Variants in CACNG5 observed in about 807,000 individuals in gnomAD.
CACNG5 encodes the protein voltage-dependent calcium channel gamma-5 subunit.
In CACNG5, 18 loss-of-function variants were observed where a neutral mutation model predicts 24.8. That is an observed-to-expected ratio of 0.73 (90% CI 0.50 to 1.08). CACNG5 has a LOEUF of 1.08. Among genes scored for constraint, CACNG5 ranks in the 50% least tolerant of loss-of-function variants. CACNG5 has a pLI of 0.00. For missense variants in CACNG5, 349 were observed against 367.9 expected, an observed-to-expected ratio of 0.95 and a Z score of 0.42; for synonymous variants, 157 against 149.1, an observed-to-expected ratio of 1.05 and a Z score of -0.39.
intron 1 of CACNG5, among the ~76,000 whole-genome samples, chr17:66,869,011 G>T (rs1451693754): frequency 6.6e-6 from 1 of 152,116 alleles, no homozygotes; most frequent in Admixed American, 6.5e-5. Flanking sequence ...CTTTTCAGGG[G>T]CAAATTTACC....
At chr17:66,845,683 A>G (rs1976630562) in intron 1 of CACNG5, among the ~76,000 whole-genome samples, 1 of 152,134 alleles carries the variant, frequency 6.6e-6, no homozygotes, top group East Asian at 1.9e-4. Context: ...GGGGATCACC[A>G]AAGGGATATT....
intron 1 of CACNG5, among the ~76,000 whole-genome samples, chr17:66,848,689 C>G (rs1976669948): frequency 6.6e-6 from 1 of 152,156 alleles, no homozygotes; most frequent in Admixed American, 6.5e-5. Flanking sequence ...GGTAGTGGCC[C>G]TGCTCCCCTC....
At position 66,888,491 on chromosome 17, in the gene CACNG5, C is replaced by T. The variant is rs1651709984; in HGVS notation, c.*3251C>T. 7.0e-6 allele frequency among the ~76,000 whole-genome samples: 1 copy of T among 142,438 alleles called. No homozygotes were observed. The highest frequency in any genetic ancestry group is 2.6e-5 in the African/African-American group (1 of 37,800). 93.4% of individuals were successfully genotyped at this position (142,438 alleles called of 152,430 possible). ...CCTGGGAGGCAGAGCTTGCAGTGAG[C>T]CGAGATCGCACCACTGCACTCCAGC... On this transcript the variant is annotated 3_prime_UTR_variant, in exon 6 of 6. Coordinates refer to ENST00000533854, the MANE Select transcript of CACNG5 (RefSeq NM_145811.3).
At chr17:66,849,799 G>C (rs1976689582) in intron 1 of CACNG5, among the ~76,000 whole-genome samples, 1 of 152,202 alleles carries the variant, frequency 6.6e-6, no homozygotes, top group Non-Finnish European at 1.5e-5. Flanking sequence ...CCAGGGTCAA[G>C]GTCAGGCAAT....
intron 1 of CACNG5, among the ~76,000 whole-genome samples, chr17:66,862,908 G>T (rs1430614989): frequency 6.7e-6 from 1 of 149,368 alleles, no homozygotes; most frequent in Non-Finnish European, 1.5e-5. Context: ...GTGTGTGTGT[G>T]TGTGTGTGTG....
In CACNG5 at chr17:66,892,085, G is replaced by T. The variant is rs1349803868; in HGVS notation, c.*6845G>T. On this transcript the variant is annotated 3_prime_UTR_variant, in exon 6 of 6. Transcript: ENST00000533854. ...TAAGGCCACCTTCTGAGTCTGGCTG[G>T]GGAGTGGTGGCATCCCAAACAAAAT... 6.6e-6 allele frequency among the ~76,000 whole-genome samples: 1 copy of T among 152,222 alleles called. No individual in the cohort carries two copies. Among genetic ancestry groups the T allele is most frequent in the Non-Finnish European group, 1.5e-5 (1 of 68,038 alleles).
chr17:66,882,826 G>A (rs1977180902), intron 4 of CACNG5, among the ~76,000 whole-genome samples: 1 of 152,120 alleles, frequency 6.6e-6, no homozygotes, highest in Non-Finnish European at 1.5e-5. Flanking sequence ...ATTACCACCT[G>A]ACTCCTGAGT....
intron 1 of CACNG5, among the ~76,000 whole-genome samples, chr17:66,850,602 A>ACG (rs1976700592): frequency 6.8e-6 from 1 of 147,794 alleles, no homozygotes; most frequent in Non-Finnish European, 1.5e-5. Flanking sequence ...AAATACATAC[A>ACG]CACACACACA....
At chr17:66,870,054 G>A (rs1213704767) in intron 1 of CACNG5, among the ~76,000 whole-genome samples, 5 of 151,750 alleles carry the variant, frequency 3.3e-5, no homozygotes, top group African/African-American at 1.2e-4. Context: ...CTGCACTCCA[G>A]CCTGGGCAAA....
chr17:66,843,087 T>C (rs1976589200), intron 1 of CACNG5, among the ~76,000 whole-genome samples: 1 of 152,218 alleles, frequency 6.6e-6, no homozygotes, highest in East Asian at 1.9e-4. Flanking sequence ...TTGACATGTA[T>C]TGCACTATTT....
Position 66,885,705 on chromosome 17 carries a change from G to A in CACNG5, c.*465G>A, listed in dbSNP as rs563246048. ...CATTCAAGATCTGCACCATCTGGCC[G>A]AAAGGTGACTCTGATATAGAGGTCT... On this transcript the variant is annotated 3_prime_UTR_variant, in exon 6 of 6. Coordinates refer to ENST00000533854, the MANE Select transcript of CACNG5 (RefSeq NM_145811.3). Among the ~76,000 whole-genome samples, 41 of 152,322 alleles carry A rather than the reference G, an allele frequency of 2.7e-4. No individual in the cohort carries two copies. The highest frequency in any genetic ancestry group is 7.5e-4 in the African/African-American group (31 of 41,582).
intron 1 of CACNG5, among the ~76,000 whole-genome samples, chr17:66,865,843 G>A (rs1331949857): frequency 7.1e-6 from 1 of 141,272 alleles, no homozygotes; most frequent in Non-Finnish European, 1.5e-5. Context: ...GGGTTTCACT[G>A]TGTTAGCCAG....
In CACNG5 at chr17:66,852,871, CTCTT is replaced by C. The variant is rs1046384034; in HGVS notation, c.-104+17625_-104+17628del. 1.3e-4 allele frequency among the ~76,000 whole-genome samples: 19 copies of C among 145,944 alleles called. 1 individual carries two copies. The South Asian group carries it at 2.7e-3, about 20-fold the overall frequency. On this transcript the variant is annotated intron_variant, in intron 1 of 5. Coordinates refer to ENST00000533854, the MANE Select transcript of CACNG5 (RefSeq NM_145811.3). ...CCTCCCTCCCTCCCTTCCTTCCTCT[CTCTT>C]TCTCTCTCTTTTTCTCTTTCTCTCT...
chr17:66,856,397 T>C (rs1179690296), intron 1 of CACNG5, among the ~76,000 whole-genome samples: 1 of 152,222 alleles, frequency 6.6e-6, no homozygotes, highest in Non-Finnish European at 1.5e-5. Context: ...AGACTCAATG[T>C]AGTTTTTTAC....
chr17:66,860,764 G>A lies in CACNG5; in HGVS notation c.-103-16466G>A, dbSNP rs539750839. Among the ~76,000 whole-genome samples the A allele has an allele frequency of 4.7e-4, 72 of 152,266 alleles. 1 individual carries two copies. Among genetic ancestry groups the A allele is most frequent in the Middle Eastern group, 3.4e-3 (1 of 294 alleles). ...GTAGATCAAGCTTGTCCAACTCATG[G>A]CCCATGGGCTGCATGTGGCCCAGGA... On this transcript the variant is annotated intron_variant, in intron 1 of 5. Coordinates refer to ENST00000533854, the MANE Select transcript of CACNG5 (RefSeq NM_145811.3).
In CACNG5 at chr17:66,838,960, C is replaced by CTTTTT. The variant is rs71160595; in HGVS notation, c.-104+3725_-104+3729dup. On this transcript the variant is annotated intron_variant, in intron 1 of 5. Coordinates refer to ENST00000533854, the MANE Select transcript of CACNG5 (RefSeq NM_145811.3). ...GTAGCACCCCAGTCCCTCACCCATT[C>CTTTTT]TTTTTTTTTTTTTTTTTTTGAGACA... Among the ~76,000 whole-genome samples the CTTTTT allele has an allele frequency of 6.9e-4, 61 of 88,084 alleles. 1 individual carries two copies. The highest frequency in any genetic ancestry group is 7.2e-3 in the Middle Eastern group (1 of 138). The allele number at this position is 88,084 out of a possible 152,430, so 57.8% of individuals were successfully genotyped here.
At chr17:66,835,406 C>T (rs950545645) in intron 1 of CACNG5, among the ~76,000 whole-genome samples, 156 bp downstream of exon 1, 2 of 152,184 alleles carry the variant, frequency 1.3e-5, no homozygotes, top group African/African-American at 4.8e-5. Context: ...ATCGCGCACC[C>T]TGGAAGGGGC....
At chr17:66,883,016 C>T (rs913783982) in intron 4 of CACNG5, among the ~76,000 whole-genome samples, 8 of 152,026 alleles carry the variant, frequency 5.3e-5, no homozygotes, top group Non-Finnish European at 1.2e-4. Flanking sequence ...TCTTTCCATC[C>T]ATCTGTCCAT....
intron 1 of CACNG5, among the ~76,000 whole-genome samples, chr17:66,837,504 G>T (rs1976497472): frequency 6.6e-6 from 1 of 152,176 alleles, no homozygotes; most frequent in Non-Finnish European, 1.5e-5. Context: ...TGAGTTTTGG[G>T]CCAGTCCTAC....
Sources: allele counts gnomAD v4.1 joint callset (sites outside exome capture counted in the v4.1 genomes callset), GRCh38; gene constraint gnomAD v4.1.1; transcripts MANE v1.5; gene names NCBI Gene and HGNC (gene_info 2026-07-23, HGNC 2026-07-21).